The following ENOX1 variants were observed in gnomAD, a reference collection of about 807,000 sequenced individuals.
ENOX1 encodes the protein candidate growth-related and time keeping constitutive hydroquinone (NADH) oxidase.
Under a neutral mutation model 82.5 loss-of-function variants are expected in ENOX1, and 42 were observed. The ratio of observed to expected loss-of-function variants is 0.51; its 90% CI spans 0.40 to 0.66. The LOEUF is 0.66. Among genes scored for constraint, ENOX1 ranks in the 30% least tolerant of loss-of-function variants. The pLI, the probability that ENOX1 is intolerant of heterozygous loss-of-function variation, is 0.00. For missense variants in ENOX1, 608 were observed against 811.6 expected, an observed-to-expected ratio of 0.75 and a Z score of 3.05; for synonymous variants, 271 against 282.2, an observed-to-expected ratio of 0.96 and a Z score of 0.40.
chr13:43,289,379 A>C (rs558557322), intron 12 of ENOX1, among the ~76,000 whole-genome samples: 107 of 152,298 alleles, frequency 7.0e-4, no homozygotes, highest in Admixed American at 2.5e-3. Flanking sequence ...AGACACCTAG[A>C]CCAATGGAAT....
intron 14 of ENOX1, among the ~76,000 whole-genome samples, chr13:43,255,257 A>G (rs1472214240): frequency 6.6e-6 from 1 of 152,200 alleles, no homozygotes; most frequent in Non-Finnish European, 1.5e-5. Context: ...TTCATGATAA[A>G]AACTCTCAAC....
intron 9 of ENOX1, among the ~76,000 whole-genome samples, chr13:43,327,412 C>A (rs545487766): frequency 2.6e-5 from 4 of 152,268 alleles, no homozygotes; most frequent in Non-Finnish European, 4.4e-5. Flanking sequence ...GGGTTATGAA[C>A]AAAACTACAT....
chr13:43,645,389 C>A (rs2083847637), intron 2 of ENOX1, among the ~76,000 whole-genome samples: 1 of 152,050 alleles, frequency 6.6e-6, no homozygotes, highest in Admixed American at 6.6e-5. Context: ...GAATTCTTGG[C>A]CTCAACTGAT....
chr13:43,683,718 C>T (rs916395328), intron 1 of ENOX1, among the ~76,000 whole-genome samples: 7 of 152,074 alleles, frequency 4.6e-5, no homozygotes, highest in South Asian at 4.2e-4. Flanking sequence ...TCCAGGGCTA[C>T]AGGACAAAGA....
At chr13:43,312,274 C>G (rs1462577129) in intron 11 of ENOX1, among the ~76,000 whole-genome samples, 1 of 152,144 alleles carries the variant, frequency 6.6e-6, no homozygotes, top group Admixed American at 6.5e-5. Context: ...CCCTCAGACT[C>G]TTATTTTAAA....
intron 3 of ENOX1, among the ~76,000 whole-genome samples, chr13:43,475,794 C>CAAAAAAAAAAAAAAAAA (rs10624980): frequency 8.5e-5 from 6 of 70,922 alleles, no homozygotes; most frequent in African/African-American, 1.2e-4. Flanking sequence ...CATAACTGAC[C>CAAAAAAAAAAAAAAAAA]AAAAAAAAAA....
chr13:43,311,708 T>A (rs1360194275), intron 11 of ENOX1, among the ~76,000 whole-genome samples: 1 of 152,248 alleles, frequency 6.6e-6, no homozygotes, highest in Non-Finnish European at 1.5e-5. Flanking sequence ...GTCTCAGTCT[T>A]TCAAGACTTT....
At chr13:43,617,515 CAT>C (rs1276811973) in intron 2 of ENOX1, among the ~76,000 whole-genome samples, 6 of 152,194 alleles carry the variant, frequency 3.9e-5, no homozygotes, top group Non-Finnish European at 7.4e-5. Flanking sequence ...GTAAAATACA[CAT>C]ACAGAATAGC....
intron 2 of ENOX1, among the ~76,000 whole-genome samples, chr13:43,638,655 C>T (rs905652623): frequency 3.3e-5 from 5 of 152,064 alleles, no homozygotes; most frequent in African/African-American, 9.7e-5. Context: ...TTTATGGTTA[C>T]GTATTTTATT....
At chr13:43,513,253 G>A (rs559989055) in intron 2 of ENOX1, among the ~76,000 whole-genome samples, 3 of 152,240 alleles carry the variant, frequency 2.0e-5, no homozygotes, top group South Asian at 4.1e-4. Context: ...AGGTTGTAGT[G>A]AGCTGAGATC....
At chr13:43,285,759 G>A (rs1172094406) in intron 12 of ENOX1, among the ~76,000 whole-genome samples, 14 of 140,594 alleles carry the variant, frequency 1.0e-4, no homozygotes, top group African/African-American at 2.1e-4. Context: ...GCACTGAGCC[G>A]AGATTGCGCC....
chr13:43,356,299 A>C, intron 7 of ENOX1, 147 bp from the exon 8 acceptor site: 1 of 716,162 alleles, frequency 1.4e-6, no homozygotes, highest in Non-Finnish European at 2.3e-6. Flanking sequence ...GGAAACAATT[A>C]TCCTTTTCCC....
intron 5 of ENOX1, among the ~76,000 whole-genome samples, chr13:43,366,511 C>G (rs1055187385): frequency 6.6e-6 from 1 of 152,140 alleles, no homozygotes. Flanking sequence ...CTCCTGACCT[C>G]GTGATCTGCC....
chr13:43,746,623 A>G (rs1015007785), intron 1 of ENOX1, among the ~76,000 whole-genome samples: 1 of 152,186 alleles, frequency 6.6e-6, no homozygotes, highest in Admixed American at 6.6e-5. Flanking sequence ...ACAACAGATC[A>G]CTGTTCATCC....
At chr13:43,455,361 T>G (rs1234647678) in intron 3 of ENOX1, among the ~76,000 whole-genome samples, 2 of 152,196 alleles carry the variant, frequency 1.3e-5, no homozygotes, top group African/African-American at 4.8e-5. Context: ...TGGAATCTTC[T>G]TTTTAATCCT....
chr13:43,345,947 T>C (rs565168478), intron 8 of ENOX1, among the ~76,000 whole-genome samples: 1 of 152,292 alleles, frequency 6.6e-6, no homozygotes, highest in South Asian at 2.1e-4. Flanking sequence ...GACATCCTTA[T>C]GTTGTTTGCA....
At chr13:43,730,745 T>A (rs190871301) in intron 1 of ENOX1, among the ~76,000 whole-genome samples, 1 of 152,238 alleles carries the variant, frequency 6.6e-6, no homozygotes, top group East Asian at 1.9e-4. Context: ...TGACGCACAC[T>A]CTGTGTGATC....
At chr13:43,602,209 T>C (rs1054406649) in intron 2 of ENOX1, among the ~76,000 whole-genome samples, 1 of 151,966 alleles carries the variant, frequency 6.6e-6, no homozygotes, top group African/African-American at 2.4e-5. Flanking sequence ...CATTTCAAAA[T>C]ACATGCACAC....
chr13:43,718,513 C>T (rs2088310540), intron 1 of ENOX1, among the ~76,000 whole-genome samples: 1 of 151,752 alleles, frequency 6.6e-6, no homozygotes, highest in African/African-American at 2.4e-5. Flanking sequence ...CAAACCTGCA[C>T]ATGTACCCTT....
Sources: gnomAD v4.1 joint callset for allele counts (sites outside exome capture counted in the v4.1 genomes callset) on GRCh38, gnomAD v4.1.1 for gene constraint, MANE v1.5 for transcripts, NCBI Gene and HGNC (gene_info 2026-07-23, HGNC 2026-07-21) for gene names.